KLRG1: variants seen among roughly 807,000 people sequenced by gnomAD.
KLRG1 encodes the protein killer cell lectin like receptor G1, also known as killer cell lectin-like receptor subfamily G member 1.
A neutral mutation model predicts 21.8 loss-of-function variants in KLRG1; 16 were observed. That is an observed-to-expected ratio of 0.73 (90% confidence interval 0.50 to 1.11). The LOEUF (loss-of-function observed/expected upper bound fraction) is 1.11, where lower values mean the gene tolerates loss of function less well. Ranked by LOEUF, KLRG1 falls within the 50% of genes most tolerant of loss-of-function variation. The pLI, the probability that KLRG1 is intolerant of heterozygous loss-of-function variation, is 0.00. For missense variants in KLRG1, 173 were observed against 218.3 expected (o/e 0.79, Z 1.31); for synonymous variants, 69 against 75.9 (o/e 0.91, Z 0.47).
chr12:8,990,765 T>A (rs1215131289), intron 1 of KLRG1, among the ~76,000 whole-genome samples: 1 of 152,164 alleles, frequency 6.6e-6, no homozygotes, highest in East Asian at 1.9e-4. Context: ...AAGTAAATTT[T>A]AAAAATTTAC....
the KLRG1 span, chr12:9,160,364 T>G: frequency 1.2e-6 from 2 of 1,614,206 alleles, no homozygotes; most frequent in South Asian, 2.2e-5. Flanking sequence ...CGTCAGCTGC[T>G]GGGTTTCATT....
the KLRG1 span, among the ~76,000 whole-genome samples, chr12:9,203,337 C>CTTTT: frequency 1.0e-4 from 12 of 114,584 alleles, no homozygotes; most frequent in East Asian, 2.5e-4. Flanking sequence ...AACTACATTC[C>CTTTT]TTTTTTTTTT....
the KLRG1 span, among the ~76,000 whole-genome samples, chr12:9,023,753 A>AT: frequency 6.6e-6 from 1 of 151,326 alleles, no homozygotes; most frequent in Non-Finnish European, 1.5e-5. Context: ...ATGGGGTTTC[A>AT]CCCTGTTGCT....
chr12:9,096,374 G>A, the KLRG1 span, among the ~76,000 whole-genome samples: 10 of 152,194 alleles, frequency 6.6e-5, no homozygotes, highest in Admixed American at 6.5e-4. Context: ...GCTTTGAGAT[G>A]ATAGAAGGAA....
chr12:9,010,249 G>A lies in KLRG1; in HGVS notation c.*712G>A, dbSNP rs1218938181. 1 of 488,778 alleles carries A rather than the reference G, an allele frequency of 2.0e-6. No individual in the cohort carries two copies. The highest frequency in any genetic ancestry group is 3.6e-6 in the Non-Finnish European group (1 of 275,258). The allele number at this position is 488,778 out of a possible 1,614,324, so 30.3% of individuals were successfully genotyped here. ...GTGGGAAATGAGTGAGGGCAAGGTG[G>A]TACTTCCTCCTTCTGAGCTCTTCAC... On this transcript the variant is annotated 3_prime_UTR_variant, in exon 5 of 5. Transcript: ENST00000356986.
the KLRG1 span, among the ~76,000 whole-genome samples, chr12:9,098,983 T>A: frequency 1.3e-5 from 2 of 152,202 alleles, no homozygotes; most frequent in Non-Finnish European, 2.9e-5. Context: ...TATAAATTAC[T>A]AGTCATGAAA....
chr12:8,992,036 C>T, intron 1 of KLRG1, 170 bp from the exon 2 acceptor site: 1 of 556,878 alleles, frequency 1.8e-6, no homozygotes, highest in South Asian at 2.4e-5. Context: ...TGGTGGTTAC[C>T]TTAGACTTTA....
the KLRG1 span, among the ~76,000 whole-genome samples, chr12:9,020,460 A>T: frequency 6.6e-6 from 1 of 152,142 alleles, no homozygotes; most frequent in Non-Finnish European, 1.5e-5. Context: ...TTCTGTCACT[A>T]TATATCAGAC....
At chr12:9,007,330 G>A (rs1207230971) in intron 3 of KLRG1, among the ~76,000 whole-genome samples, 7 of 151,922 alleles carry the variant, frequency 4.6e-5, no homozygotes, top group African/African-American at 9.7e-5. Context: ...ATGCCATCTC[G>A]GCTCACTGCA....
intron 3 of KLRG1, among the ~76,000 whole-genome samples, chr12:9,004,803 A>G (rs1473802265): frequency 1.3e-5 from 2 of 151,656 alleles, no homozygotes; most frequent in African/African-American, 4.8e-5. Context: ...GTATAATTTT[A>G]TATATTTTTC....
chr12:9,066,898 C>T, the KLRG1 span: 1 of 152,230 alleles, frequency 6.6e-6, no homozygotes, highest in Non-Finnish European at 1.5e-5. Flanking sequence ...TTGGCTCAAT[C>T]CTCCTGCTTT....
the KLRG1 span, chr12:9,192,587 C>T: frequency 1.2e-5 from 20 of 1,614,042 alleles, no homozygotes; most frequent in East Asian, 1.1e-4. Flanking sequence ...TGATAGTCTC[C>T]GTGTGGCCAC....
chr12:9,134,369 GA>G, the KLRG1 span, among the ~76,000 whole-genome samples: 1 of 152,120 alleles, frequency 6.6e-6, no homozygotes. Context: ...GTTGCTACAA[GA>G]AAAAGACACC....
At chr12:9,089,678 T>G in the KLRG1 span, among the ~76,000 whole-genome samples, 1 of 151,680 alleles carries the variant, frequency 6.6e-6, no homozygotes, top group Non-Finnish European at 1.5e-5. Context: ...GAGGCGGAGG[T>G]TGCAGTGAGC....
chr12:9,056,651 T>G, the KLRG1 span, among the ~76,000 whole-genome samples: 98 of 152,216 alleles, frequency 6.4e-4, no homozygotes, highest in South Asian at 6.0e-3. Flanking sequence ...GTTCCAATGA[T>G]CGTCCTGCCT....
At chr12:9,059,782 C>G in the KLRG1 span, among the ~76,000 whole-genome samples, 1 of 152,104 alleles carries the variant, frequency 6.6e-6, no homozygotes, top group East Asian at 1.9e-4. Flanking sequence ...CAGGCTCCAG[C>G]TATCCTCCCA....
At chr12:9,025,088 T>A in the KLRG1 span, among the ~76,000 whole-genome samples, 1 of 152,106 alleles carries the variant, frequency 6.6e-6, no homozygotes, top group Non-Finnish European at 1.5e-5. Flanking sequence ...GAAATGGCAA[T>A]ATGAAGGTCA....
the KLRG1 span, chr12:9,160,172 CA>C: frequency 9.1e-7 from 1 of 1,104,600 alleles, no homozygotes; most frequent in South Asian, 1.5e-5. Context: ...ATAGATCAAA[CA>C]CAACATCCTA....
the KLRG1 span, among the ~76,000 whole-genome samples, chr12:9,097,095 G>C: frequency 2.7e-3 from 406 of 151,952 alleles, 5 homozygotes; most frequent in South Asian, 0.021. Flanking sequence ...TACCCATCAG[G>C]GTTGTTATAA....
Sources: allele counts gnomAD v4.1 joint callset (sites outside exome capture counted in the v4.1 genomes callset), GRCh38; gene constraint gnomAD v4.1.1; transcripts MANE v1.5; gene names NCBI Gene and HGNC (gene_info 2026-07-23, HGNC 2026-07-21).